CPZ: variants seen among roughly 807,000 people sequenced by gnomAD.
CPZ encodes VEZT/CPZ fusion.
In CPZ, 103 loss-of-function variants were observed where a neutral mutation model predicts 61.8. That is an observed-to-expected ratio of 1.67 (90% confidence interval 1.42 to 1.96). The LOEUF is 1.96. CPZ is among the 30% of genes most tolerant of loss of function. The pLI, the probability that CPZ is intolerant of heterozygous loss-of-function variation, is 0.00. For synonymous variants in CPZ, 551 were observed against 373.7 expected (o/e 1.47, Z -5.47); for missense variants, 1,461 against 914.9 (o/e 1.60, Z -7.70).
chr4:8,605,306 T>C (rs1714855098), intron 4 of CPZ, among the ~76,000 whole-genome samples: 1 of 146,336 alleles, frequency 6.8e-6, no homozygotes, highest in Non-Finnish European at 1.5e-5. Context: ...CTTCTTCCTA[T>C]AGTCCATTCA....
intron 2 of CPZ, 42 bp downstream of exon 2, chr4:8,599,527 G>A (rs765319818): frequency 3.1e-6 from 5 of 1,610,452 alleles, no homozygotes; most frequent in African/African-American, 2.7e-5. Context: ...CTGTAGGAGG[G>A]CTGCAGCCCC....
At chr4:8,613,231 A>C (rs1306337614) in intron 8 of CPZ, among the ~76,000 whole-genome samples, 1 of 151,024 alleles carries the variant, frequency 6.6e-6, no homozygotes, top group East Asian at 1.9e-4. Flanking sequence ...TCCCGGGTTC[A>C]AGCGATTCTC....
chr4:8,593,538 G>A (rs904718610), intron 1 of CPZ, among the ~76,000 whole-genome samples: 1 of 152,194 alleles, frequency 6.6e-6, no homozygotes, highest in Non-Finnish European at 1.5e-5. Flanking sequence ...GGTAGAGGCT[G>A]GGGGCTGGAT....
intron 7 of CPZ, among the ~76,000 whole-genome samples, chr4:8,609,148 C>CCATTCACTCACTAACTCAGCCATTCACT (rs71175493): frequency 3.4e-5 from 4 of 116,720 alleles, no homozygotes; most frequent in African/African-American, 1.3e-4. Flanking sequence ...ACTCATTCAC[C>CCATTCACTCACTAACTCAGCCATTCACT]CACTCCCTCA....
At chr4:8,595,102 C>T (rs1377316789) in intron 1 of CPZ, among the ~76,000 whole-genome samples, 1 of 152,220 alleles carries the variant, frequency 6.6e-6, no homozygotes, top group Non-Finnish European at 1.5e-5. Flanking sequence ...CCAATATGTC[C>T]AAAATATTCC....
At position 8,592,920 on chromosome 4, in the gene CPZ, C is replaced by G. The variant is rs779466341; in HGVS notation, c.87C>G (p.Ala29=). 2 of 1,535,030 alleles carry G rather than the reference C, an allele frequency of 1.3e-6. No homozygotes were observed. The highest frequency in any genetic ancestry group is 2.4e-5 in the South Asian group (2 of 83,628). ...GGTGCGAGTTTGAGCGGAACCCCGC[C>G]GGTAAGGCCGTCCCCTGCCCCCACC... ...RPGCEFERNP[A]GECHRPPAAD... is the part of the protein sequence containing the mutation. Residue 29 remains alanine (A), a splice_region_variant and synonymous_variant, in exon 1 of 11, where the codon GCC becomes GCG. Transcript: ENST00000360986.
At chr4:8,596,632 C>T (rs192718932) in intron 1 of CPZ, among the ~76,000 whole-genome samples, 169 of 152,376 alleles carry the variant, frequency 1.1e-3, no homozygotes, top group African/African-American at 3.9e-3. Flanking sequence ...ATGGATCCTC[C>T]AACAGCCCTA....
At chr4:8,609,619 AGT>A (rs1444855361) in intron 7 of CPZ, among the ~76,000 whole-genome samples, 7 of 148,524 alleles carry the variant, frequency 4.7e-5, no homozygotes, top group Non-Finnish European at 5.9e-5. Flanking sequence ...GCACAGGCCC[AGT>A]GTGTCTCAGC....
Position 8,592,788 on chromosome 4 carries a change from G to T in CPZ, c.-46G>T, listed in dbSNP as rs1018970883. 2 of 1,311,992 alleles carry T rather than the reference G, an allele frequency of 1.5e-6. No individual in the cohort carries two copies. The highest frequency in any genetic ancestry group is 3.6e-5 in the South Asian group (2 of 55,786). The allele number at this position is 1,311,992 out of a possible 1,614,324, so 81.3% of individuals were successfully genotyped here. A position where few individuals can be genotyped will look rare whatever the true frequency, so the allele number is the denominator to read the frequency against. On this transcript the variant is annotated 5_prime_UTR_variant, in exon 1 of 11. Coordinates refer to ENST00000360986, the MANE Select transcript of CPZ (RefSeq NM_001014447.3). ...GCAGAGCCCCGGCCCCGCGCGGCCC[G>T]AGTGCCACATCACTGCGCTGGCCGT...
At chr4:8,608,222 T>G (rs1213919581) in intron 7 of CPZ, among the ~76,000 whole-genome samples, 1 of 147,144 alleles carries the variant, frequency 6.8e-6, no homozygotes, top group African/African-American at 2.5e-5. Context: ...CACCGGAGGC[T>G]GGGCCTGCCC....
At chr4:8,616,187 C>T (rs1025472011) in intron 9 of CPZ, among the ~76,000 whole-genome samples, 2 of 152,350 alleles carry the variant, frequency 1.3e-5, no homozygotes, top group East Asian at 1.9e-4. Context: ...TGGGCGCGGG[C>T]TCCTGATAAG....
At chr4:8,606,711 C>T (rs556854523) in intron 5 of CPZ, 26 bp from the exon 6 acceptor site, 1 of 1,613,800 alleles carries the variant, frequency 6.2e-7, no homozygotes, top group Admixed American at 1.7e-5. Context: ...TGACCCCACC[C>T]AGTCGGGGGT....
At chr4:8,615,853 C>T (rs375195204) in intron 9 of CPZ, among the ~76,000 whole-genome samples, 6 of 152,168 alleles carry the variant, frequency 3.9e-5, no homozygotes, top group African/African-American at 9.7e-5. Flanking sequence ...GGGCAGCAGC[C>T]GCTGAGATAG....
chr4:8,596,815 G>C (rs1712908579), intron 1 of CPZ, among the ~76,000 whole-genome samples: 1 of 152,200 alleles, frequency 6.6e-6, no homozygotes, highest in African/African-American at 2.4e-5. Context: ...CACTTGTGTG[G>C]GCGCTTGGTG....
intron 1 of CPZ, among the ~76,000 whole-genome samples, chr4:8,593,163 G>T (rs1367883911): frequency 6.6e-6 from 1 of 152,196 alleles, no homozygotes; most frequent in Non-Finnish European, 1.5e-5. Flanking sequence ...GCAGCAGAGG[G>T]TCACCACGCC....
chr4:8,601,036 C>G, intron 2 of CPZ, 87 bp from the exon 3 acceptor site: 3 of 1,470,132 alleles, frequency 2.0e-6, no homozygotes, highest in African/African-American at 1.4e-5. Context: ...GGCCCTGGCC[C>G]TGCGTGGGGT....
chr4:8,607,541 C>T, intron 7 of CPZ, 116 bp downstream of exon 7: 1 of 1,215,720 alleles, frequency 8.2e-7, no homozygotes, highest in Non-Finnish European at 1.1e-6. Context: ...AACCTCTACT[C>T]AGAGCGGGTC....
At chr4:8,617,093 G>A (rs1252948527) in intron 9 of CPZ, among the ~76,000 whole-genome samples, 1 of 152,238 alleles carries the variant, frequency 6.6e-6, no homozygotes, top group Non-Finnish European at 1.5e-5. Flanking sequence ...GCGTGAGCCT[G>A]GAACAGCAGT....
At chr4:8,618,242 T>G (rs1054781616) in intron 9 of CPZ, 187 bp from the exon 10 acceptor site, 1 of 601,686 alleles carries the variant, frequency 1.7e-6, no homozygotes, top group African/African-American at 1.9e-5. Context: ...GGGAGGAAAC[T>G]GAGGCCCAGA....
Sources: gnomAD v4.1 joint callset for allele counts (sites outside exome capture counted in the v4.1 genomes callset) on GRCh38, gnomAD v4.1.1 for gene constraint, MANE v1.5 for transcripts, NCBI Gene and HGNC (gene_info 2026-07-23, HGNC 2026-07-21) for gene names.